Variants in MKLN1 observed in about 807,000 individuals in gnomAD.
MKLN1 encodes muskelin 1, also known as muskelin.
MKLN1 carries 18 observed loss-of-function variants against 99.0 expected under a neutral mutation model. That is an observed-to-expected ratio of 0.18 (90% CI 0.13 to 0.27). The LOEUF (loss-of-function observed/expected upper bound fraction) is 0.27, where lower values mean the gene tolerates loss of function less well. Among genes scored for constraint, MKLN1 ranks in the 10% least tolerant of loss-of-function variants. MKLN1 has a pLI of 1.00. For synonymous variants in MKLN1, 288 were observed against 293.2 expected (o/e 0.98, Z 0.18); for missense variants, 621 against 875.9 (o/e 0.71, Z 3.67).
chr7:131,141,113 T>C (rs1256145024), intron 1 of MKLN1, among the ~76,000 whole-genome samples: 1 of 152,080 alleles, frequency 6.6e-6, no homozygotes, highest in African/African-American at 2.4e-5. Context: ...GCTTTGGTGT[T>C]ATTCTGTCTT....
intron 1 of MKLN1, among the ~76,000 whole-genome samples, chr7:131,356,710 G>A (rs1338433863): frequency 6.6e-6 from 1 of 152,154 alleles, no homozygotes; most frequent in East Asian, 1.9e-4. Context: ...AATATTGAAA[G>A]GACAGTATTC....
intron 3 of MKLN1, among the ~76,000 whole-genome samples, chr7:131,317,898 G>C (rs1270418569): frequency 6.6e-6 from 1 of 150,772 alleles, no homozygotes; most frequent in East Asian, 1.9e-4. Context: ...ACAATAGTTA[G>C]AGAAGAGCTA....
At chr7:131,224,556 AT>A (rs1229959459) in intron 3 of MKLN1, among the ~76,000 whole-genome samples, 2 of 152,034 alleles carry the variant, frequency 1.3e-5, no homozygotes, top group East Asian at 3.9e-4. Context: ...AAAAATAATA[AT>A]AATAAAATAA....
chr7:131,189,862 C>A (rs977246230), intron 2 of MKLN1, among the ~76,000 whole-genome samples: 1 of 151,902 alleles, frequency 6.6e-6, no homozygotes, highest in Non-Finnish European at 1.5e-5. Flanking sequence ...GGAAACAAAA[C>A]CTTCAGGATG....
In MKLN1 at chr7:131,201,883, C is replaced by T. The variant is rs145499623; in HGVS notation, c.-296-974C>T. Among the ~76,000 whole-genome samples, 145 of 152,300 alleles carry T rather than the reference C, an allele frequency of 9.5e-4. 1 individual carries two copies. Among genetic ancestry groups the T allele is most frequent in the African/African-American group, 3.3e-3 (139 of 41,574 alleles). The stretch of plus-strand genomic sequence containing the variant: ...GAAAATTTTTGTCCTTTTGGGTTAA[C>T]AATTCACTCTAAATTATCATTCATT... On this transcript the variant is annotated intron_variant, in intron 2 of 7. Transcript: ENST00000416992.
At chr7:131,360,756 A>G (rs1800005877) in intron 1 of MKLN1, among the ~76,000 whole-genome samples, 1 of 152,116 alleles carries the variant, frequency 6.6e-6, no homozygotes, top group South Asian at 2.1e-4. Context: ...CTCTTTCTTT[A>G]TGTACATCAA....
chr7:131,169,655 T>C (rs1300279955), intron 2 of MKLN1, among the ~76,000 whole-genome samples: 1 of 152,190 alleles, frequency 6.6e-6, no homozygotes, highest in Non-Finnish European at 1.5e-5. Context: ...CGAATTGAGA[T>C]TATTAATAGC....
At chr7:131,454,620 A>C (rs1339454360) in intron 12 of MKLN1, among the ~76,000 whole-genome samples, 2 of 152,200 alleles carry the variant, frequency 1.3e-5, no homozygotes, top group African/African-American at 4.8e-5. Flanking sequence ...AAGTTGCCTA[A>C]CCCCAGGGCA....
chr7:131,243,059 T>C (rs377390495), intron 3 of MKLN1: 24 of 515,906 alleles, frequency 4.7e-5, no homozygotes, highest in East Asian at 2.2e-4. Flanking sequence ...AGTTCACAGA[T>C]GGCCAAACTT....
At chr7:131,423,327 TTTTA>T (rs886335926) in intron 8 of MKLN1, among the ~76,000 whole-genome samples, 6 of 152,000 alleles carry the variant, frequency 3.9e-5, no homozygotes, top group Non-Finnish European at 8.8e-5. Context: ...TTATTATTAT[TTTTA>T]TTTATTTATT....
intron 3 of MKLN1, among the ~76,000 whole-genome samples, chr7:131,303,107 A>C (rs1352970704): frequency 6.6e-6 from 1 of 152,218 alleles, no homozygotes; most frequent in East Asian, 1.9e-4. Context: ...TACAAAAAAA[A>C]CTAAGCACTT....
intron 12 of MKLN1, among the ~76,000 whole-genome samples, chr7:131,448,312 C>G (rs1796076753): frequency 6.6e-6 from 1 of 152,166 alleles, no homozygotes; most frequent in African/African-American, 2.4e-5. Flanking sequence ...GCTTTAATGA[C>G]TGTCATTCAA....
intron 9 of MKLN1, among the ~76,000 whole-genome samples, chr7:131,430,798 C>T (rs1436509252): frequency 6.6e-6 from 1 of 152,138 alleles, no homozygotes; most frequent in African/African-American, 2.4e-5. Context: ...TGTGGTGGCT[C>T]ACACCTATAA....
upstream of MKLN1, among the ~76,000 whole-genome samples, chr7:131,325,988 A>C (rs1798880680): frequency 6.6e-6 from 1 of 152,144 alleles, no homozygotes; most frequent in Admixed American, 6.5e-5. Context: ...AGGGTATTGA[A>C]AGTCACCAAA....
At chr7:131,229,978 C>T (rs770578931) in intron 3 of MKLN1, among the ~76,000 whole-genome samples, 3 of 152,144 alleles carry the variant, frequency 2.0e-5, no homozygotes, top group East Asian at 1.9e-4. Flanking sequence ...AAATATACTT[C>T]GGGGTAAAAT....
At chr7:131,119,907 G>C (rs1392089296) in intron 1 of MKLN1, among the ~76,000 whole-genome samples, 1 of 152,188 alleles carries the variant, frequency 6.6e-6, no homozygotes, top group Non-Finnish European at 1.5e-5. Flanking sequence ...CTTTTCTGCT[G>C]CATGGTCAGG....
intron 3 of MKLN1, among the ~76,000 whole-genome samples, chr7:131,229,712 C>T (rs1312667992): frequency 6.6e-6 from 1 of 152,144 alleles, no homozygotes; most frequent in Non-Finnish European, 1.5e-5. Flanking sequence ...CACGCCTCCA[C>T]AGGCTGCTGA....
At chr7:131,329,882 T>C (rs1276904634) in intron 1 of MKLN1, among the ~76,000 whole-genome samples, 1 of 152,234 alleles carries the variant, frequency 6.6e-6, no homozygotes, top group Non-Finnish European at 1.5e-5. Context: ...CATAAAATAG[T>C]ATTTAATACA....
At chr7:131,399,989 G>T (rs1370069516) in intron 6 of MKLN1, among the ~76,000 whole-genome samples, 1 of 151,904 alleles carries the variant, frequency 6.6e-6, no homozygotes, top group East Asian at 1.9e-4. Context: ...CACTCATTTG[G>T]ATTTTTAAGG....
Sources: allele counts gnomAD v4.1 joint callset (sites outside exome capture counted in the v4.1 genomes callset), GRCh38; gene constraint gnomAD v4.1.1; transcripts MANE v1.5; gene names NCBI Gene and HGNC (gene_info 2026-07-23, HGNC 2026-07-21).